Variants in COL27A1 observed in about 807,000 individuals in gnomAD.
COL27A1 encodes the protein collagen alpha-1(XXVII) chain.
COL27A1 carries 106 observed loss-of-function variants against 251.3 expected under a neutral mutation model. The observed-to-expected ratio is 0.42, with a 90% CI of 0.36 to 0.50. The LOEUF (loss-of-function observed/expected upper bound fraction) is 0.50, where lower values mean the gene tolerates loss of function less well. COL27A1 is among the 20% of genes least tolerant of loss of function. COL27A1 has a pLI of 0.00. For synonymous variants in COL27A1, 1,000 were observed against 986.3 expected, an observed-to-expected ratio of 1.01 and a Z score of -0.26; for missense variants, 2,325 against 2,522.8, an observed-to-expected ratio of 0.92 and a Z score of 1.68.
In COL27A1 at chr9:114,245,895, G is replaced by C. The variant is rs1267680716; in HGVS notation, c.2964G>C (p.Gly988=). ...AACCAGGGGATCCTGGTCGGCCGGGGCCTGTGGGAGAGCAGGTTAGTTAGC... is the reference window on the plus strand; with the variant it reads ...AACCAGGGGATCCTGGTCGGCCGGGCCCTGTGGGAGAGCAGGTTAGTTAGC... ...KGEPGDPGRP[G]PVGEQGFMGF... is the part of the protein sequence containing the mutation. Residue 988 remains glycine, a synonymous_variant, in exon 24 of 61, where the codon GGG becomes GGC. Transcript: ENST00000356083. The C allele has an allele frequency of 6.2e-7, 1 of 1,613,146 alleles. No individual in the cohort carries two copies. Among genetic ancestry groups the C allele is most frequent in the African/African-American group, 1.3e-5 (1 of 74,972 alleles).
rs372854613 is a variant in COL27A1 at position 114,283,782 on chromosome 9, C to G, written c.3933+20C>G. 1.3e-5 allele frequency: 21 copies of G among 1,612,948 alleles called. No homozygotes were observed. In the African/African-American group the frequency reaches 2.5e-4, roughly 19 times the overall value. ...TATGATGTAAGCAGATATCACCTCA[C>G]CCCACCCCCCGACTCTGTCCTGCAG... On this transcript the variant is annotated intron_variant, in intron 40 of 60. Transcript: ENST00000356083.
intron 28 of COL27A1, among the ~76,000 whole-genome samples, chr9:114,260,385 C>T (rs1470807855): frequency 6.6e-6 from 1 of 152,134 alleles, no homozygotes; most frequent in African/African-American, 2.4e-5. Flanking sequence ...CCCTTCGCCA[C>T]CTCCTAGAGG....
chr9:114,174,303 GA>G (rs151078851), intron 3 of COL27A1, among the ~76,000 whole-genome samples: 20,883 of 152,052 alleles, frequency 0.14, 1,562 homozygotes, highest in African/African-American at 0.16. Flanking sequence ...AGAGGCAGGT[GA>G]AACACAAGGG....
rs571266601 is a variant in COL27A1 at position 114,307,907 on chromosome 9, G to A, written c.5217+129G>A. The A allele has an allele frequency of 5.5e-5, 34 of 614,868 alleles. 1 individual carries two copies. In the Admixed American group the frequency reaches 5.7e-4, roughly 10 times the overall value. The allele number at this position is 614,868 out of a possible 1,614,324, so 38.1% of individuals were successfully genotyped here. On this transcript the variant is annotated intron_variant, in intron 59 of 60. Coordinates refer to ENST00000356083, the MANE Select transcript of COL27A1 (RefSeq NM_032888.4). ...ACTGCATGCCCTTGGGAAAGTTATC[G>A]CCTCCTTCCGAGACTCAGTTTCCTT...
At chr9:114,307,879 C>T in intron 59 of COL27A1, 101 bp downstream of exon 59, 1 of 754,274 alleles carries the variant, frequency 1.3e-6, no homozygotes, top group Non-Finnish European at 2.2e-6. Context: ...CTGTGCCTGT[C>T]TTACTGCATG....
At chr9:114,275,148 CA>C (rs1039391740) in intron 36 of COL27A1, among the ~76,000 whole-genome samples, 1 of 151,896 alleles carries the variant, frequency 6.6e-6, no homozygotes, top group Admixed American at 6.6e-5. Context: ...CCTGTAGTCC[CA>C]GCTACTTGGG....
At chr9:114,207,680 G>A (rs1381403041) in intron 10 of COL27A1, among the ~76,000 whole-genome samples, 1 of 152,138 alleles carries the variant, frequency 6.6e-6, no homozygotes, top group Non-Finnish European at 1.5e-5. Flanking sequence ...TTCCAACCCT[G>A]CCACCACCAG....
At chr9:114,300,580 C>T in intron 50 of COL27A1, 45 bp from the exon 51 acceptor site, 1 of 1,492,732 alleles carries the variant, frequency 6.7e-7, no homozygotes, top group Non-Finnish European at 9.0e-7. Context: ...GGCCCTTTAC[C>T]CAGTGGCTGC....
chr9:114,226,065 A>G (rs1167125162), intron 14 of COL27A1, among the ~76,000 whole-genome samples: 4 of 151,922 alleles, frequency 2.6e-5, no homozygotes, highest in Non-Finnish European at 1.5e-5. Context: ...ACCCTTTGGC[A>G]GGCCCTCAAG....
At chr9:114,269,614 C>CAAAAA (rs552967033) in intron 35 of COL27A1, among the ~76,000 whole-genome samples, 2 of 69,198 alleles carry the variant, frequency 2.9e-5, no homozygotes, top group African/African-American at 1.0e-4. Context: ...GACTCCATCT[C>CAAAAA]AAAAAAAAAA....
Position 114,169,354 on chromosome 9 carries a change from C to T in COL27A1, c.1799C>T (p.Ser600Phe). Reference sequence around the variant, plus strand: ...TTGGCCCCGGCGCAATTCCTGTCCTCCAGCCCCCGGCCCACGAGCAGTGGC... The same window carrying T: ...TTGGCCCCGGCGCAATTCCTGTCCTTCAGCCCCCGGCCCACGAGCAGTGGC... The part of the protein sequence containing the change: ...LVLAPAQFLS[S>F]SPRPTSSGYS... Residue 600 changes from serine (S) to phenylalanine (F), a missense_variant, in exon 3 of 61, where the codon TCC (serine) becomes TTC (phenylalanine). Transcript: ENST00000356083. 2 of 1,612,414 alleles carry T rather than the reference C, an allele frequency of 1.2e-6. No individual in the cohort carries two copies. Among genetic ancestry groups the T allele is most frequent in the Non-Finnish European group, 1.7e-6 (2 of 1,179,722 alleles).
rs1429469259 is a variant in COL27A1 at position 114,231,076 on chromosome 9, C to T, written c.2467-3C>T. On this transcript the variant is annotated splice_polypyrimidine_tract_variant and splice_region_variant and intron_variant, in intron 14 of 60. Coordinates refer to ENST00000356083, the MANE Select transcript of COL27A1 (RefSeq NM_032888.4). ...GCACCCTCTTCTCTTTCTCTCCCCA[C>T]AGGGTGACTTAGGAGTGTTGGGTCC... 2 of 1,612,402 alleles carry T rather than the reference C, an allele frequency of 1.2e-6. No individual in the cohort carries two copies. Among genetic ancestry groups the T allele is most frequent in the Admixed American group, 1.7e-5 (1 of 59,912 alleles).
chr9:114,240,366 C>A, intron 20 of COL27A1, 68 bp from the exon 21 acceptor site: 1 of 1,589,432 alleles, frequency 6.3e-7, no homozygotes, highest in Non-Finnish European at 8.6e-7. Context: ...GCAGGGGTTG[C>A]CTTGCCAGCC....
chr9:114,248,690 G>A (rs1450510090), intron 24 of COL27A1, among the ~76,000 whole-genome samples: 1 of 152,188 alleles, frequency 6.6e-6, no homozygotes, highest in African/African-American at 2.4e-5. Flanking sequence ...GGTCCCAGGG[G>A]TGCGGGTCGG....
In COL27A1 at chr9:114,311,430, C is replaced by T. The variant is rs1333252141; in HGVS notation, c.*735C>T. On this transcript the variant is annotated 3_prime_UTR_variant, in exon 61 of 61. Transcript: ENST00000356083. ...GAAGAAACTTTTGGATGTGGGGCAT[C>T]ATCCGCATCTTTCTCTCTCCTCCAA... 6.6e-6 allele frequency: 1 copy of T among 151,410 alleles called. No individual in the cohort carries two copies. Among genetic ancestry groups the T allele is most frequent in the African/African-American group, 2.4e-5 (1 of 41,192 alleles). The allele number at this position is 151,410 out of a possible 1,614,324, so 9.4% of individuals were successfully genotyped here.
chr9:114,236,932 G>A, intron 17 of COL27A1, 49 bp from the exon 18 acceptor site: 1 of 1,585,192 alleles, frequency 6.3e-7, no homozygotes, highest in Non-Finnish European at 8.7e-7. Context: ...CTGTTCACCT[G>A]GCCATTTCTC....
intron 37 of COL27A1, among the ~76,000 whole-genome samples, chr9:114,279,032 G>A (rs1189481673): frequency 2.6e-5 from 4 of 152,152 alleles, no homozygotes; most frequent in Admixed American, 6.5e-5. Context: ...CAGGGGAGAC[G>A]CAGCCTCCCG....
At chr9:114,269,034 G>A (rs113360473) in intron 34 of COL27A1, 64 of 521,352 alleles carry the variant, frequency 1.2e-4, no homozygotes, top group African/African-American at 4.8e-4. Context: ...CTGTCCTGGC[G>A]TGGGAGAAGA....
intron 28 of COL27A1, among the ~76,000 whole-genome samples, chr9:114,259,924 C>A (rs898492088): frequency 6.6e-6 from 1 of 151,190 alleles, no homozygotes; most frequent in Admixed American, 6.6e-5. Context: ...GAGCAGCCGG[C>A]CTGGAAGAGG....
Sources: allele counts gnomAD v4.1 joint callset (sites outside exome capture counted in the v4.1 genomes callset), GRCh38; gene constraint gnomAD v4.1.1; transcripts MANE v1.5; gene names NCBI Gene and HGNC (gene_info 2026-07-23, HGNC 2026-07-21).